Variants in ANKRD24 observed in about 807,000 individuals in gnomAD.
The protein encoded by ANKRD24 is ankyrin repeat domain-containing protein 24.
In ANKRD24, 109 loss-of-function variants were observed where a neutral mutation model predicts 127.8. That is an observed-to-expected ratio of 0.85 (90% CI 0.73 to 1.00). The LOEUF is 1.00. ANKRD24 is among the 50% of genes least tolerant of loss of function. The pLI, the probability that ANKRD24 is intolerant of heterozygous loss-of-function variation, is 0.00. For synonymous variants in ANKRD24, 743 were observed against 671.1 expected (o/e 1.11, Z -1.66); for missense variants, 1,648 against 1,570.2 (o/e 1.05, Z -0.84).
Position 4,224,641 on chromosome 19 carries a change from C to G in ANKRD24, c.*136C>G. On this transcript the variant is annotated 3_prime_UTR_variant, in exon 22 of 22. Coordinates refer to ENST00000318934, the MANE Select transcript of ANKRD24 (RefSeq NM_001393985.1). ...CATGCACTTGGAGACCAGCCTGGTT[C>G]CCTGCCCGACCACCCCCAGCTGGCT... 2 of 792,534 alleles carry G rather than the reference C, an allele frequency of 2.5e-6. No homozygotes were observed. Among genetic ancestry groups the G allele is most frequent in the African/African-American group, 1.7e-5 (1 of 58,468 alleles). 49.1% of individuals were successfully genotyped at this position (792,534 alleles called of 1,614,324 possible).
At chr19:4,193,318 C>T (rs1367204167) in intron 2 of ANKRD24, among the ~76,000 whole-genome samples, 1 of 107,004 alleles carries the variant, frequency 9.3e-6, no homozygotes, top group Non-Finnish European at 2.0e-5. Flanking sequence ...AAAAAAAAGA[C>T]AACAATGAAG....
intron 1 of ANKRD24, among the ~76,000 whole-genome samples, chr19:4,184,464 C>G (rs1168041393): frequency 6.6e-6 from 1 of 152,228 alleles, no homozygotes; most frequent in Non-Finnish European, 1.5e-5. Context: ...ACTCGTTCAC[C>G]CACGCACTTC....
In ANKRD24 at chr19:4,195,173, C is replaced by T. The variant is rs192467764; in HGVS notation, c.37-4510C>T. On this transcript the variant is annotated intron_variant, in intron 2 of 21. Coordinates refer to ENST00000318934, the MANE Select transcript of ANKRD24 (RefSeq NM_001393985.1). This position sits in a 1 kb window ranked among gnomAD's most constrained non-coding sequence, Gnocchi z 4.2. The stretch of plus-strand genomic sequence containing the variant: ...CTGCAAGCTCCGCCTCCCGGGTGCA[C>T]GCCATTCTCCTGCCTCAGTCTCCCG... Among the ~76,000 whole-genome samples the T allele has an allele frequency of 7.3e-3, 1,112 of 151,476 alleles. 10 individuals carry two copies. The highest frequency in any genetic ancestry group is 0.012 in the Non-Finnish European group (799 of 67,662).
rs1968257355 is a variant in ANKRD24, at chr19:4,189,405, C to G, written c.36+2944C>G. On this transcript the variant is annotated intron_variant, in intron 2 of 21. Transcript: ENST00000318934. ...AGGTGGGACTACAGGCACGCACTAC[C>G]ACGCCCAGCAATTTTTTTTGTATTT... Among the ~76,000 whole-genome samples, 2 of 151,592 alleles carry G rather than the reference C, an allele frequency of 1.3e-5. 1 individual carries two copies. Among genetic ancestry groups the G allele is most frequent in the South Asian group, 4.2e-4 (2 of 4,786 alleles).
intron 1 of ANKRD24, chr19:4,183,398 T>C: frequency 1.0e-6 from 1 of 963,164 alleles, no homozygotes; most frequent in Non-Finnish European, 1.2e-6. Context: ...GAGTACCTAC[T>C]TTGTACTGGG....
chr19:4,204,793 G>T (rs1416774237), intron 7 of ANKRD24, among the ~76,000 whole-genome samples: 5 of 152,222 alleles, frequency 3.3e-5, no homozygotes, highest in African/African-American at 1.2e-4. Context: ...CCTAGTGGCG[G>T]CAATGCTTCT....
In ANKRD24 at chr19:4,224,561, C is replaced by G; in HGVS notation, c.*56C>G. ...ACACCCACGCAGGGACCTCACCCCCCTGCAGGCCCCTTGCAGACCGGCTTC... is the reference window on the plus strand; with the variant it reads ...ACACCCACGCAGGGACCTCACCCCCGTGCAGGCCCCTTGCAGACCGGCTTC... On this transcript the variant is annotated 3_prime_UTR_variant, in exon 22 of 22. Coordinates refer to ENST00000318934, the MANE Select transcript of ANKRD24 (RefSeq NM_001393985.1). 2 of 1,501,276 alleles carry G rather than the reference C, an allele frequency of 1.3e-6. No individual in the cohort carries two copies. The highest frequency in any genetic ancestry group is 1.8e-6 in the Non-Finnish European group (2 of 1,098,762). 93.0% of individuals were successfully genotyped at this position (1,501,276 alleles called of 1,614,324 possible).
chr19:4,208,112 A>G lies in ANKRD24; in HGVS notation c.832+144A>G. On this transcript the variant is annotated intron_variant, in intron 10 of 21. Transcript: ENST00000318934. Reference sequence around the variant, plus strand: ...GAGCTTACCCAATTCTACTCAGAACAGTTTCAAGGAGCCCCAGGGCATTTA... The same window carrying G: ...GAGCTTACCCAATTCTACTCAGAACGGTTTCAAGGAGCCCCAGGGCATTTA... 6.9e-6 allele frequency: 6 copies of G among 874,504 alleles called. 1 individual carries two copies. The South Asian group carries it at 1.7e-4, about 25-fold the overall frequency. 54.2% of individuals were successfully genotyped at this position (874,504 alleles called of 1,614,324 possible). A position where few individuals can be genotyped will look rare whatever the true frequency, so the allele number is the denominator to read the frequency against.
At position 4,198,734 on chromosome 19, in the gene ANKRD24, T is replaced by TG. The variant is rs35542279; in HGVS notation, c.37-949_37-948insG. The stretch of plus-strand genomic sequence containing the variant: ...CATTTGGGGAGACATGTGGACACGT[T>TG]TTGGAAGACTCTTTGAAACAAATGG... On this transcript the variant is annotated intron_variant, in intron 2 of 21. Transcript: ENST00000318934. The surrounding 1 kb of genome is among the most constrained non-coding windows in gnomAD (Gnocchi z 6.1). Among the ~76,000 whole-genome samples the TG allele has an allele frequency of 0.017, 2,583 of 152,226 alleles. 68 individuals carry two copies. Among genetic ancestry groups the TG allele is most frequent in the African/African-American group, 0.058 (2,429 of 41,538 alleles).
intron 11 of ANKRD24, chr19:4,209,004 G>C: frequency 2.1e-6 from 1 of 485,326 alleles, no homozygotes; most frequent in Non-Finnish European, 3.7e-6. Flanking sequence ...TACTGGATGG[G>C]GCCAAATTAT....
chr19:4,207,258 C>G lies in ANKRD24; in HGVS notation c.483C>G (p.Leu161=). 1 of 1,613,816 alleles carries G rather than the reference C, an allele frequency of 6.2e-7. No individual in the cohort carries two copies. Residue 161 remains leucine, a synonymous_variant, in exon 8 of 22, where the codon CTC becomes CTG. Transcript: ENST00000318934. ...ALHHAAAGGC[L]SCSEVLCSFK... is the part of the protein sequence containing the mutation. ...CTTTTGCAGCGGCTGGTGGCTGTCT[C>G]TCCTGCTCAGAGGTGCTCTGCTCCT...
At position 4,224,739 on chromosome 19, in the gene ANKRD24, C is replaced by T. The variant is rs1970646192; in HGVS notation, c.*234C>T. ...CCGGGCCGTGACTGCCCCTCCCCCACCACCGGAGACTGTGATTCCCTGTGT... is the reference window on the plus strand; with the variant it reads ...CCGGGCCGTGACTGCCCCTCCCCCATCACCGGAGACTGTGATTCCCTGTGT... On this transcript the variant is annotated 3_prime_UTR_variant, in exon 22 of 22. Coordinates refer to ENST00000318934, the MANE Select transcript of ANKRD24 (RefSeq NM_001393985.1). The T allele has an allele frequency of 3.5e-6, 2 of 564,820 alleles. No individual in the cohort carries two copies. The highest frequency in any genetic ancestry group is 1.9e-5 in the African/African-American group (1 of 53,136). The allele number at this position is 564,820 out of a possible 1,614,324, so 35.0% of individuals were successfully genotyped here.
Position 4,200,050 on chromosome 19 carries a change from C to T in ANKRD24, c.255-33C>T, listed in dbSNP as rs555065740. 2.5e-6 allele frequency: 4 copies of T among 1,569,786 alleles called. No individual in the cohort carries two copies. The South Asian group carries it at 3.5e-5, about 14-fold the overall frequency. ...GAGTGAGATGGCTGAGGGGTGGCAA[C>T]CTTGCGGCTGAACCCTTGTCTCTCA... is the stretch of plus-strand genomic sequence containing the variant. On this transcript the variant is annotated intron_variant, in intron 4 of 21. Transcript: ENST00000318934.
intron 2 of ANKRD24, among the ~76,000 whole-genome samples, chr19:4,196,226 C>G (rs1315560247): frequency 6.6e-6 from 1 of 152,126 alleles, no homozygotes; most frequent in Non-Finnish European, 1.5e-5. Flanking sequence ...AGAGGGAAAG[C>G]GATTAGCTCA....
At position 4,216,559 on chromosome 19, in the gene ANKRD24, A is replaced by ATC. The variant is rs750876383; in HGVS notation, c.1399_1400insTC (p.Asn467IlefsTer45). ...CCACTCCACTCCCCAGATCCTGGAG[A>ATC]ACTTTGAGAAGGACGAGACACAGAT... On this transcript the variant is annotated frameshift_variant, in exon 18 of 22. Coordinates refer to ENST00000318934, the MANE Select transcript of ANKRD24 (RefSeq NM_001393985.1). LOFTEE classifies it high-confidence loss of function. The ATC allele has an allele frequency of 2.4e-5, 38 of 1,607,290 alleles. No individual in the cohort carries two copies. The highest frequency in any genetic ancestry group is 3.0e-5 in the Non-Finnish European group (35 of 1,176,356).
rs1271681760 is a variant in ANKRD24 at position 4,217,052 on chromosome 19, A to C, written c.1892A>C (p.Glu631Ala). The C allele has an allele frequency of 1.2e-6, 2 of 1,613,796 alleles. No homozygotes were observed. Among genetic ancestry groups the C allele is most frequent in the African/African-American group, 2.7e-5 (2 of 74,926 alleles). Reference protein sequence around the residue: ...KPTGAQATDTETTGVEAMGVE... With the variant: ...KPTGAQATDTATTGVEAMGVE... ...ACAGGAGCTCAGGCCACAGACACAG[A>C]GACCACGGGAGTGGAGGCCATGGGG... The change falls in exon 18 of 22, where the codon GAG becomes GCG. Residue 631 changes from glutamate to alanine, a missense_variant. By Grantham distance (107) the Glu-to-Ala change is moderately radical (BLOSUM62 -1). Coordinates refer to ENST00000318934, the MANE Select transcript of ANKRD24 (RefSeq NM_001393985.1).
Position 4,195,301 on chromosome 19 carries a change from C to T in ANKRD24, c.37-4382C>T, listed in dbSNP as rs1248549914. On this transcript the variant is annotated intron_variant, in intron 2 of 21. Transcript: ENST00000318934. The surrounding 1 kb of genome is among the most constrained non-coding windows in gnomAD (Gnocchi z 4.2). ...GTTGGTCAGGCTGGTCTCGAACTCC[C>T]CATCTCAGGTGATCTGCCTGCCTCA... 6.6e-6 allele frequency among the ~76,000 whole-genome samples: 1 copy of T among 151,608 alleles called. No homozygotes were observed. The highest frequency in any genetic ancestry group is 1.5e-5 in the Non-Finnish European group (1 of 67,884).
At chr19:4,193,281 A>T in intron 2 of ANKRD24, among the ~76,000 whole-genome samples, 1 of 47,930 alleles carries the variant, frequency 2.1e-5, no homozygotes. Context: ...CAGTCTGGGC[A>T]ATAGAGCGAC....
chr19:4,211,738 G>A (rs1001456636), intron 13 of ANKRD24, among the ~76,000 whole-genome samples: 11 of 152,070 alleles, frequency 7.2e-5, no homozygotes, highest in African/African-American at 2.7e-4. Context: ...TGCTTAATAA[G>A]TACATAGTAA....
Sources: allele counts gnomAD v4.1 joint callset (sites outside exome capture counted in the v4.1 genomes callset), GRCh38; gene constraint gnomAD v4.1.1; non-coding constraint Gnocchi (gnomAD v3.1); transcripts MANE v1.5; gene names NCBI Gene and HGNC (gene_info 2026-07-23, HGNC 2026-07-21).